The following FBXL17 variants were observed in gnomAD, a reference collection of about 807,000 sequenced individuals.
FBXL17 encodes F-box and leucine rich repeat protein 17.
Under a neutral mutation model 66.2 loss-of-function variants are expected in FBXL17, and 22 were observed. The ratio of observed to expected loss-of-function variants is 0.33; its 90% CI spans 0.24 to 0.47. The LOEUF (loss-of-function observed/expected upper bound fraction) is 0.47. Among genes scored for constraint, FBXL17 ranks in the 20% least tolerant of loss-of-function variants. The pLI is 1.00. For missense variants in FBXL17, 878 were observed against 948.2 expected, an observed-to-expected ratio of 0.93 and a Z score of 0.97; for synonymous variants, 474 against 400.5, an observed-to-expected ratio of 1.18 and a Z score of -2.19.
At chr5:108,336,694 A>C (rs1254930656) in intron 4 of FBXL17, among the ~76,000 whole-genome samples, 1 of 152,176 alleles carries the variant, frequency 6.6e-6, no homozygotes, top group Non-Finnish European at 1.5e-5. Flanking sequence ...TCATTTTCTA[A>C]AATCTACCTA....
intron 4 of FBXL17, among the ~76,000 whole-genome samples, chr5:108,347,844 CA>C (rs929768165): frequency 6.6e-6 from 1 of 151,718 alleles, no homozygotes; most frequent in Non-Finnish European, 1.5e-5. Context: ...AATTATCTCT[CA>C]AAAAAAATTG....
intron 5 of FBXL17, among the ~76,000 whole-genome samples, chr5:108,213,596 G>C (rs1387443129): frequency 6.6e-6 from 1 of 152,136 alleles, no homozygotes; most frequent in Admixed American, 6.5e-5. Flanking sequence ...CCCTGCTTCA[G>C]CTTGCCCTCC....
intron 6 of FBXL17, among the ~76,000 whole-genome samples, chr5:108,147,162 G>T (rs1226603151): frequency 6.6e-6 from 1 of 152,152 alleles, no homozygotes; most frequent in African/African-American, 2.4e-5. Flanking sequence ...ACTTCAACTT[G>T]TGACTTTTGG....
intron 6 of FBXL17, among the ~76,000 whole-genome samples, chr5:108,091,619 C>G (rs76179901): frequency 0.017 from 2,630 of 152,148 alleles, 45 homozygotes; most frequent in Middle Eastern, 0.048. Context: ...TAGGTTGTTA[C>G]ATATGTTTCT....
intron 7 of FBXL17, among the ~76,000 whole-genome samples, chr5:107,918,200 G>A (rs1750197272): frequency 6.6e-6 from 1 of 152,184 alleles, no homozygotes; most frequent in African/African-American, 2.4e-5. Flanking sequence ...GGCCTGCTGT[G>A]AAGAGAGGCT....
At chr5:108,360,454 T>C (rs1002766986) in intron 3 of FBXL17, among the ~76,000 whole-genome samples, 4 of 152,050 alleles carry the variant, frequency 2.6e-5, no homozygotes, top group Non-Finnish European at 5.9e-5. Flanking sequence ...GATAAAACAG[T>C]TGTAAATCTT....
intron 6 of FBXL17, among the ~76,000 whole-genome samples, chr5:108,050,864 A>G (rs1046571501): frequency 2.0e-5 from 3 of 152,102 alleles, no homozygotes; most frequent in African/African-American, 7.2e-5. Flanking sequence ...AAAATCAAAT[A>G]TATTTGATGA....
chr5:108,231,527 C>T (rs1755340231), intron 4 of FBXL17, among the ~76,000 whole-genome samples: 1 of 152,096 alleles, frequency 6.6e-6, no homozygotes, highest in Non-Finnish European at 1.5e-5. Context: ...TCACCATTAC[C>T]CGTAGTGATC....
intron 7 of FBXL17, among the ~76,000 whole-genome samples, chr5:107,938,626 G>C (rs1018949285): frequency 6.6e-6 from 1 of 152,142 alleles, no homozygotes; most frequent in African/African-American, 2.4e-5. Flanking sequence ...ATTGCTAAGA[G>C]AGAAAGTCAG....
intron 4 of FBXL17, among the ~76,000 whole-genome samples, chr5:108,251,812 A>T (rs1385658534): frequency 6.6e-6 from 1 of 152,094 alleles, no homozygotes; most frequent in Non-Finnish European, 1.5e-5. Context: ...TATAAATAAC[A>T]TATTGTATAG....
chr5:108,238,351 C>T (rs914611127), intron 4 of FBXL17, among the ~76,000 whole-genome samples: 5 of 152,120 alleles, frequency 3.3e-5, no homozygotes, highest in East Asian at 1.9e-4. Flanking sequence ...TCGTGTTATG[C>T]GCTAAGTACC....
intron 1 of FBXL17, among the ~76,000 whole-genome samples, chr5:108,368,700 TTTAACTAATAG>T (rs1341944678): frequency 2.0e-5 from 3 of 151,828 alleles, no homozygotes; most frequent in Non-Finnish European, 4.4e-5. Flanking sequence ...AAGACTGGAG[TTTAACTAATAG>T]TAATGTACAA....
At chr5:107,867,322 G>A (rs182304316) in intron 8 of FBXL17, among the ~76,000 whole-genome samples, 8 of 152,328 alleles carry the variant, frequency 5.3e-5, no homozygotes, top group South Asian at 2.1e-4. Flanking sequence ...AGTTTAACAA[G>A]TTTTGCTGGG....
chr5:108,124,357 T>C (rs905754494), intron 6 of FBXL17, among the ~76,000 whole-genome samples: 55 of 152,090 alleles, frequency 3.6e-4, no homozygotes, highest in African/African-American at 1.3e-3. Context: ...TTCTAGGTCT[T>C]TGACCTTGGC....
chr5:108,218,016 C>CTT (rs752575685), intron 5 of FBXL17, among the ~76,000 whole-genome samples: 29 of 120,124 alleles, frequency 2.4e-4, no homozygotes, highest in Non-Finnish European at 3.0e-4. Context: ...AATTTTTTTT[C>CTT]TTTTTTTTTT....
chr5:108,271,851 C>T (rs1757282207), intron 4 of FBXL17, among the ~76,000 whole-genome samples: 2 of 152,108 alleles, frequency 1.3e-5, no homozygotes, highest in African/African-American at 2.4e-5. Flanking sequence ...CCTTATGTGA[C>T]CTTCAGCAAA....
intron 3 of FBXL17, among the ~76,000 whole-genome samples, chr5:108,363,610 A>G (rs1013622112): frequency 1.9e-4 from 29 of 152,130 alleles, no homozygotes; most frequent in Admixed American, 9.2e-4. Context: ...TATAAGATAA[A>G]TTCATAATAC....
rs534412119 is a variant in FBXL17 at position 108,149,082 on chromosome 5, T to C, written c.1745+37035A>G. Among the ~76,000 whole-genome samples, 19 of 152,314 alleles carry C rather than the reference T, an allele frequency of 1.2e-4. No homozygotes were observed. In the South Asian group the frequency reaches 3.3e-3, roughly 27 times the overall value. On this transcript the variant is annotated intron_variant, in intron 6 of 8. Coordinates refer to ENST00000542267, the MANE Select transcript of FBXL17 (RefSeq NM_001163315.3). The stretch of plus-strand genomic sequence containing the variant: ...CATGGCAAATGACAGGTTCTAATTA[T>C]ATGACTCCAAAGCCTGTTCTCTTTC...
chr5:108,353,168 TAAAA>T (rs1279171241), intron 3 of FBXL17, among the ~76,000 whole-genome samples: 1 of 152,104 alleles, frequency 6.6e-6, no homozygotes, highest in Non-Finnish European at 1.5e-5. Context: ...TTCTAAAAAA[TAAAA>T]AGCTGATCAC....
Sources: allele counts gnomAD v4.1 joint callset (sites outside exome capture counted in the v4.1 genomes callset), GRCh38; gene constraint gnomAD v4.1.1; transcripts MANE v1.5; gene names NCBI Gene and HGNC (gene_info 2026-07-23, HGNC 2026-07-21).